The following LGR4 variants were observed in gnomAD, a reference collection of about 807,000 sequenced individuals.
LGR4 encodes leucine-rich repeat-containing G protein-coupled receptor 4.
Under a neutral mutation model 84.8 loss-of-function variants are expected in LGR4, and 44 were observed. The observed-to-expected ratio is 0.52, with a 90% confidence interval of 0.41 to 0.67. LGR4 has a LOEUF of 0.67. LGR4 is among the 30% of genes least tolerant of loss of function. LGR4 has a pLI of 0.00. For synonymous variants in LGR4, 429 were observed against 434.3 expected (o/e 0.99, Z 0.15); for missense variants, 1,032 against 1,131.4 (o/e 0.91, Z 1.26).
chr11:27,407,694 A>G (rs760861211), intron 2 of LGR4, among the ~76,000 whole-genome samples: 17 of 152,154 alleles, frequency 1.1e-4, no homozygotes, highest in Admixed American at 7.2e-4. Flanking sequence ...TCGCTAAAGG[A>G]TATCAGTGGG....
chr11:27,424,513 G>A (rs1477592017), intron 1 of LGR4, among the ~76,000 whole-genome samples: 2 of 152,068 alleles, frequency 1.3e-5, no homozygotes. Context: ...AATTCTCCCA[G>A]GCCCAGATGC....
chr11:27,437,829 C>A (rs926112334), intron 1 of LGR4, among the ~76,000 whole-genome samples: 2 of 152,028 alleles, frequency 1.3e-5, no homozygotes. Flanking sequence ...TAGTGAGATT[C>A]TGTCTCTACA....
intron 1 of LGR4, among the ~76,000 whole-genome samples, chr11:27,447,059 T>C (rs1446112709): frequency 1.4e-5 from 2 of 146,750 alleles, no homozygotes; most frequent in African/African-American, 5.0e-5. Context: ...GGGGGAGGGA[T>C]AGCATTAGGA....
intron 4 of LGR4, among the ~76,000 whole-genome samples, chr11:27,388,852 T>C (rs1863232575): frequency 6.6e-6 from 1 of 152,096 alleles, no homozygotes; most frequent in Non-Finnish European, 1.5e-5. Flanking sequence ...AAAAATGTAA[T>C]CTGATGTTAA....
chr11:27,434,112 T>C (rs1441955911), intron 1 of LGR4, among the ~76,000 whole-genome samples: 1 of 152,198 alleles, frequency 6.6e-6, no homozygotes, highest in Non-Finnish European at 1.5e-5. Flanking sequence ...ATCCTACATA[T>C]ACTAGGTGCC....
intron 1 of LGR4, among the ~76,000 whole-genome samples, chr11:27,447,919 G>T (rs565629415): frequency 6.6e-6 from 1 of 152,222 alleles, no homozygotes; most frequent in African/African-American, 2.4e-5. Context: ...AAGTAATAGG[G>T]TTTATGCATG....
intron 1 of LGR4, among the ~76,000 whole-genome samples, chr11:27,468,285 A>G (rs1030213990): frequency 2.0e-5 from 3 of 152,176 alleles, no homozygotes; most frequent in African/African-American, 7.2e-5. Flanking sequence ...AATTATATGG[A>G]AGTGAGGATG....
At chr11:27,400,538 T>A (rs1863478949) in intron 2 of LGR4, among the ~76,000 whole-genome samples, 1 of 151,868 alleles carries the variant, frequency 6.6e-6, no homozygotes, top group African/African-American at 2.4e-5. Flanking sequence ...AGTCTCACTC[T>A]GTCGCCCAGG....
At chr11:27,376,403 G>C (rs371567776) in intron 12 of LGR4, 33 bp from the exon 13 acceptor site, 1 of 1,147,104 alleles carries the variant, frequency 8.7e-7, no homozygotes, top group Non-Finnish European at 1.3e-6. Flanking sequence ...AGAAGACGAA[G>C]ACAAAGACAA....
In LGR4 at chr11:27,377,175, G is replaced by T; in HGVS notation, c.1092C>A (p.Cys364Ter). ...CAACTCACATTTCTTCCAGAGCATGGCAACCATTAAAACTTGGAAGGTCTC... is the reference window on the plus strand; with the variant it reads ...CAACTCACATTTCTTCCAGAGCATGTCAACCATTAAAACTTGGAAGGTCTC... ...NIRDLPSFNG[C>*]HALEEISLQR... The change falls in exon 12 of 18, where the codon TGC becomes TGA. Residue 364 changes from cysteine to a stop codon, truncating the protein, a stop_gained. Coordinates refer to ENST00000379214, the MANE Select transcript of LGR4 (RefSeq NM_018490.5). LOFTEE classifies it high-confidence loss of function. The T allele has an allele frequency of 6.3e-7, 1 of 1,588,960 alleles. No homozygotes were observed. Among genetic ancestry groups the T allele is most frequent in the Non-Finnish European group, 8.6e-7 (1 of 1,161,056 alleles).
chr11:27,437,507 A>G (rs1319364030), intron 1 of LGR4, among the ~76,000 whole-genome samples: 2 of 152,190 alleles, frequency 1.3e-5, no homozygotes, highest in African/African-American at 4.8e-5. Context: ...AGAAGGAGTG[A>G]CTATTTTTAT....
chr11:27,395,893 G>A (rs1477570451), intron 2 of LGR4, among the ~76,000 whole-genome samples: 1 of 152,136 alleles, frequency 6.6e-6, no homozygotes, highest in East Asian at 1.9e-4. Context: ...CCTTGGGGAT[G>A]CTTCATGTCT....
rs538203035 is a variant in LGR4, at chr11:27,469,411, C to T, written c.185+2707G>A. ...GGAATGGTGTCTGAATTCCATGCCA[C>T]GGTTCTGCTCCTCGGTGTGGCCTTG... On this transcript the variant is annotated intron_variant, in intron 1 of 17. Transcript: ENST00000379214. Among the ~76,000 whole-genome samples, 128 of 152,302 alleles carry T rather than the reference C, an allele frequency of 8.4e-4. 1 individual carries two copies. The highest frequency in any genetic ancestry group is 2.8e-3 in the African/African-American group (117 of 41,570).
intron 4 of LGR4, 42 bp downstream of exon 4, chr11:27,391,052 G>C: frequency 9.2e-7 from 1 of 1,086,834 alleles, no homozygotes; most frequent in Non-Finnish European, 1.4e-6. Flanking sequence ...TTAACAGCCA[G>C]AGTAGTCTCT....
chr11:27,418,267 A>C (rs1407683244), intron 1 of LGR4, among the ~76,000 whole-genome samples: 1 of 152,232 alleles, frequency 6.6e-6, no homozygotes, highest in Non-Finnish European at 1.5e-5. Flanking sequence ...AAACAACAAG[A>C]ACAGCTACAT....
chr11:27,403,603 T>G (rs915807646), intron 2 of LGR4, among the ~76,000 whole-genome samples: 2 of 152,212 alleles, frequency 1.3e-5, no homozygotes, highest in African/African-American at 4.8e-5. Flanking sequence ...ATAAGGCAGA[T>G]ATAGCATAAG....
Position 27,367,368 on chromosome 11 carries a change from ACT to A in LGR4, c.*497_*498del, listed in dbSNP as rs1488891331. On this transcript the variant is annotated 3_prime_UTR_variant, in exon 18 of 18. Coordinates refer to ENST00000379214, the MANE Select transcript of LGR4 (RefSeq NM_018490.5). ...ACATAATAAAGTAATGCCTATGTATACTCTCACAGTTCTAGCTGGGACAGTCC... is the reference window on the plus strand; with the variant it reads ...ACATAATAAAGTAATGCCTATGTATACTCACAGTTCTAGCTGGGACAGTCC... The A allele has an allele frequency of 6.5e-6, 1 of 152,742 alleles. No homozygotes were observed. Among genetic ancestry groups the A allele is most frequent in the Non-Finnish European group, 1.5e-5 (1 of 68,124 alleles). 9.5% of individuals were successfully genotyped at this position (152,742 alleles called of 1,614,324 possible).
chr11:27,467,437 G>C (rs1254487280), intron 1 of LGR4, among the ~76,000 whole-genome samples: 1 of 151,834 alleles, frequency 6.6e-6, no homozygotes. Context: ...GCATGGTGGC[G>C]GGTGCCTGTA....
intron 2 of LGR4, among the ~76,000 whole-genome samples, chr11:27,396,387 T>C (rs1863392259): frequency 6.6e-6 from 1 of 152,154 alleles, no homozygotes; most frequent in Admixed American, 6.5e-5. Context: ...CTAACAGACC[T>C]ACAGTGCCAT....
Sources: gnomAD v4.1 joint callset for allele counts (sites outside exome capture counted in the v4.1 genomes callset) on GRCh38, gnomAD v4.1.1 for gene constraint, MANE v1.5 for transcripts, NCBI Gene and HGNC (gene_info 2026-07-23, HGNC 2026-07-21) for gene names.